The following ATP10B variants were observed in gnomAD, a reference collection of about 807,000 sequenced individuals.
ATP10B encodes phospholipid-transporting ATPase VB.
In ATP10B, 122 loss-of-function variants were observed where a neutral mutation model predicts 141.2. The observed-to-expected ratio is 0.86, with a 90% CI of 0.75 to 1.00. ATP10B has a LOEUF of 1.00. Among genes scored for constraint, ATP10B ranks in the 50% least tolerant of loss-of-function variants. The pLI, the probability that ATP10B is intolerant of heterozygous loss-of-function variation, is 0.00. For missense variants in ATP10B, 1,876 were observed against 1,825.3 expected (o/e 1.03, Z -0.51); for synonymous variants, 685 against 692.0 (o/e 0.99, Z 0.16).
intron 17 of ATP10B, 51 bp from the exon 18 acceptor site, chr5:160,612,976 G>C (rs575692887): frequency 4.7e-5 from 73 of 1,538,718 alleles, no homozygotes; most frequent in Admixed American, 5.7e-5. Context: ...AAGAGTAGTT[G>C]CTTAATTCCC....
intron 8 of ATP10B, among the ~76,000 whole-genome samples, chr5:160,648,435 C>G (rs1272533824): frequency 6.6e-6 from 1 of 152,180 alleles, no homozygotes; most frequent in Non-Finnish European, 1.5e-5. Flanking sequence ...TTGGACACCC[C>G]TGTAGAAAAG....
At position 160,814,260 on chromosome 5, in the gene ATP10B, C is replaced by A. The variant is rs536900668; in HGVS notation, c.-575-28457G>T. Among the ~76,000 whole-genome samples, 14 of 151,938 alleles carry A rather than the reference C, an allele frequency of 9.2e-5. No individual in the cohort carries two copies. The South Asian group carries it at 2.9e-3, about 32-fold the overall frequency. On this transcript the variant is annotated intron_variant, in intron 1 of 25. Transcript: ENST00000327245. Reference sequence around the variant, plus strand: ...AAAAAAAAATTAGATGAATGGCTAACTAGAATAACCAATGCAGAGAAGTCC... The same window carrying A: ...AAAAAAAAATTAGATGAATGGCTAAATAGAATAACCAATGCAGAGAAGTCC...
intron 2 of ATP10B, among the ~76,000 whole-genome samples, chr5:160,763,469 C>T (rs1769187470): frequency 6.6e-6 from 1 of 152,054 alleles, no homozygotes; most frequent in South Asian, 2.1e-4. Flanking sequence ...ATCATTGGGT[C>T]AACAACGAAA....
In ATP10B at chr5:160,606,869, G is replaced by A. The variant is rs188942338; in HGVS notation, c.3056C>T (p.Thr1019Ile). Residue 1019 changes from threonine to isoleucine, a missense_variant, in exon 19 of 26, where the codon ACC becomes ATC. Coordinates refer to ENST00000327245, the MANE Select transcript of ATP10B (RefSeq NM_025153.3). ...GCACAGGACGGACCGACAATACTGG[G>A]TCAATTCCAGAAACTTCTTCTCTAG... ...GKLEKKFLEL[T>I]QYCRSVLCCR... 6.2e-7 allele frequency: 1 copy of A among 1,614,150 alleles called. No homozygotes were observed. Among genetic ancestry groups the A allele is most frequent in the African/African-American group, 1.3e-5 (1 of 75,046 alleles).
chr5:160,789,572 G>A (rs1771419022), intron 1 of ATP10B, among the ~76,000 whole-genome samples: 1 of 152,172 alleles, frequency 6.6e-6, no homozygotes, highest in South Asian at 2.1e-4. Flanking sequence ...TGTATCTGTG[G>A]TCTGCTGTTG....
At chr5:160,567,277 G>A (rs984897672) in intron 25 of ATP10B, among the ~76,000 whole-genome samples, 3 of 152,142 alleles carry the variant, frequency 2.0e-5, no homozygotes, top group African/African-American at 7.2e-5. Flanking sequence ...AAATGGAGAA[G>A]GCAATGAGAG....
chr5:160,716,593 C>A (rs1009252330), intron 3 of ATP10B, among the ~76,000 whole-genome samples: 7 of 152,036 alleles, frequency 4.6e-5, no homozygotes, highest in Admixed American at 4.6e-4. Context: ...ACTGGGAAGA[C>A]GATACATATG....
intron 1 of ATP10B, among the ~76,000 whole-genome samples, chr5:160,804,097 A>G (rs1018408863): frequency 6.6e-6 from 1 of 152,064 alleles, no homozygotes; most frequent in Non-Finnish European, 1.5e-5. Context: ...CAAATGTCCT[A>G]CCCTTGCACC....
intron 1 of ATP10B, among the ~76,000 whole-genome samples, chr5:160,796,019 G>A (rs545876824): frequency 6.6e-6 from 1 of 152,212 alleles, no homozygotes; most frequent in Admixed American, 6.5e-5. Context: ...CCTGAGTTCA[G>A]ACCCCACGTT....
chr5:160,586,007 A>C (rs879485567), intron 24 of ATP10B, among the ~76,000 whole-genome samples: 1 of 152,188 alleles, frequency 6.6e-6, no homozygotes, highest in Non-Finnish European at 1.5e-5. Context: ...CATGTACAGA[A>C]CGTGCAAGTT....
chr5:160,703,173 T>G (rs2037577981), intron 3 of ATP10B, among the ~76,000 whole-genome samples: 1 of 152,158 alleles, frequency 6.6e-6, no homozygotes. Context: ...CTGAAATATT[T>G]ATAATAATTT....
At chr5:160,695,482 G>A (rs1764303886) in intron 3 of ATP10B, among the ~76,000 whole-genome samples, 1 of 61,912 alleles carries the variant, frequency 1.6e-5, no homozygotes, top group South Asian at 8.2e-4. Flanking sequence ...GTATATATGC[G>A]TGAGTGAGTG....
intron 24 of ATP10B, among the ~76,000 whole-genome samples, chr5:160,574,894 G>A (rs1401433382): frequency 1.3e-5 from 2 of 151,458 alleles, no homozygotes; most frequent in East Asian, 3.9e-4. Flanking sequence ...ACCTGCTGGT[G>A]CTTTGGTCTT....
rs1441651142 is a variant in ATP10B, at chr5:160,647,763, G to A, written c.761+1408C>T. ...AGGCTTTACCTCCTTTGCAGCAAAGGCCTTTTCCCCAGGACCTCAGGCCCT... is the reference window on the plus strand; with the variant it reads ...AGGCTTTACCTCCTTTGCAGCAAAGACCTTTTCCCCAGGACCTCAGGCCCT... On this transcript the variant is annotated intron_variant, in intron 8 of 25. Coordinates refer to ENST00000327245, the MANE Select transcript of ATP10B (RefSeq NM_025153.3). Among the ~76,000 whole-genome samples, 5 of 152,234 alleles carry A rather than the reference G, an allele frequency of 3.3e-5. No homozygotes were observed. In the South Asian group the frequency reaches 6.2e-4, roughly 19 times the overall value.
chr5:160,769,559 G>A (rs1769727972), intron 2 of ATP10B, among the ~76,000 whole-genome samples: 1 of 151,964 alleles, frequency 6.6e-6, no homozygotes, highest in Non-Finnish European at 1.5e-5. Flanking sequence ...AATATAGAAT[G>A]AAAGTGCTCT....
chr5:160,649,178 C>G lies in ATP10B; in HGVS notation c.754G>C (p.Gly252Arg). The G allele has an allele frequency of 6.2e-7, 1 of 1,611,844 alleles. No homozygotes were observed. The highest frequency in any genetic ancestry group is 1.1e-5 in the South Asian group (1 of 91,004). ...KPNNHLNKFK[G>R]YMEHPDQTRT... is the part of the protein sequence containing the mutation. ...GGGACATGAGATACTTACATATAACCCTTAAATTTGTTGAGGTGGTTGTTG... is the reference window on the plus strand; with the variant it reads ...GGGACATGAGATACTTACATATAACGCTTAAATTTGTTGAGGTGGTTGTTG... Residue 252 changes from glycine (G) to arginine (R), a missense_variant, in exon 8 of 26, where the codon GGT becomes CGT. Coordinates refer to ENST00000327245, the MANE Select transcript of ATP10B (RefSeq NM_025153.3).
the ATP10B span, among the ~76,000 whole-genome samples, chr5:160,875,407 C>T: frequency 8.9e-6 from 1 of 112,896 alleles, no homozygotes. Flanking sequence ...AAAGGAACAA[C>T]CAGTACCAGC....
intron 2 of ATP10B, among the ~76,000 whole-genome samples, chr5:160,727,273 T>C (rs78394641): frequency 6.6e-6 from 1 of 152,346 alleles, no homozygotes; most frequent in African/African-American, 2.4e-5. Flanking sequence ...TAGGCACCTC[T>C]ATCATCATTT....
intron 6 of ATP10B, among the ~76,000 whole-genome samples, chr5:160,682,173 C>A (rs1763443690): frequency 6.6e-6 from 1 of 152,142 alleles, no homozygotes; most frequent in Admixed American, 6.5e-5. Flanking sequence ...TTTCCAAAGC[C>A]CAGTAAATGT....
Sources: gnomAD v4.1 joint callset for allele counts (sites outside exome capture counted in the v4.1 genomes callset) on GRCh38, gnomAD v4.1.1 for gene constraint, MANE v1.5 for transcripts, NCBI Gene and HGNC (gene_info 2026-07-23, HGNC 2026-07-21) for gene names.